The following GALNT13 variants were observed in gnomAD, a reference collection of about 807,000 sequenced individuals.
GALNT13 encodes polypeptide N-acetylgalactosaminyltransferase 13.
Under a neutral mutation model 64.2 loss-of-function variants are expected in GALNT13, and 28 were observed. That is an observed-to-expected ratio of 0.44 (90% CI 0.32 to 0.60). The LOEUF (loss-of-function observed/expected upper bound fraction) is 0.60. GALNT13 is among the 20% of genes least tolerant of loss of function. The probability of loss-of-function intolerance (pLI) is 0.05; values close to 1 mark genes in which losing one functional copy is unlikely to be tolerated. For missense variants in GALNT13, 577 were observed against 669.8 expected (o/e 0.86, Z 1.53); for synonymous variants, 214 against 224.6 (o/e 0.95, Z 0.42).
the GALNT13 span, chr2:153,354,353 C>T: frequency 2.0e-5 from 3 of 152,102 alleles, no homozygotes; most frequent in East Asian, 5.8e-4. Flanking sequence ...AATGCTGGAC[C>T]GTCTTACTAG....
At chr2:153,418,279 T>C in the GALNT13 span, among the ~76,000 whole-genome samples, 1 of 152,074 alleles carries the variant, frequency 6.6e-6, no homozygotes, top group Non-Finnish European at 1.5e-5. Context: ...AGGAAACAAA[T>C]TCCCCCCTAG....
the GALNT13 span, among the ~76,000 whole-genome samples, chr2:153,788,720 T>A: frequency 2.6e-5 from 4 of 151,948 alleles, no homozygotes; most frequent in East Asian, 7.8e-4. Flanking sequence ...TCACATGCAA[T>A]GACACCCAGG....
the GALNT13 span, among the ~76,000 whole-genome samples, chr2:153,665,914 G>T: frequency 1.3e-5 from 2 of 152,166 alleles, no homozygotes; most frequent in South Asian, 4.1e-4. Flanking sequence ...CGTGGCTGCA[G>T]TGAAGAATGG....
chr2:153,831,740 G>A, the GALNT13 span, among the ~76,000 whole-genome samples: 27 of 152,262 alleles, frequency 1.8e-4, no homozygotes, highest in East Asian at 4.5e-3. Context: ...GAGTCACCCA[G>A]TTGGCAGCTT....
At chr2:154,071,958 G>A (rs1420592002) in intron 3 of GALNT13, among the ~76,000 whole-genome samples, 1 of 152,068 alleles carries the variant, frequency 6.6e-6, no homozygotes, top group Non-Finnish European at 1.5e-5. Flanking sequence ...TGTTAGACAA[G>A]CTTTGTTTAG....
chr2:153,106,619 T>G, the GALNT13 span, among the ~76,000 whole-genome samples: 7 of 152,300 alleles, frequency 4.6e-5, no homozygotes, highest in South Asian at 1.2e-3. Context: ...CCAGAGATAT[T>G]GTTTTCTAGC....
At chr2:153,587,686 G>A in the GALNT13 span, among the ~76,000 whole-genome samples, 1 of 152,080 alleles carries the variant, frequency 6.6e-6, no homozygotes, top group Non-Finnish European at 1.5e-5. Context: ...ATTTGGGTAG[G>A]GACACAGCCA....
At chr2:153,505,244 C>T in the GALNT13 span, among the ~76,000 whole-genome samples, 1 of 151,990 alleles carries the variant, frequency 6.6e-6, no homozygotes. Flanking sequence ...TCTAATTGAG[C>T]TTATTTGGAT....
chr2:153,981,888 A>AT (rs142794825), intron 3 of GALNT13, among the ~76,000 whole-genome samples: 1 of 151,788 alleles, frequency 6.6e-6, no homozygotes, highest in East Asian at 1.9e-4. Context: ...CTTGCTAGTT[A>AT]TTTTTTTCTC....
chr2:153,714,079 C>T, the GALNT13 span, among the ~76,000 whole-genome samples: 1 of 152,334 alleles, frequency 6.6e-6, no homozygotes, highest in South Asian at 2.1e-4. Flanking sequence ...TGAAACATCA[C>T]ATCTCCATGC....
the GALNT13 span, among the ~76,000 whole-genome samples, chr2:153,229,580 A>C: frequency 1.3e-5 from 2 of 152,202 alleles, no homozygotes; most frequent in South Asian, 4.1e-4. Flanking sequence ...CACTTAATTT[A>C]ATCGCCTATT....
chr2:153,172,991 G>A, the GALNT13 span, among the ~76,000 whole-genome samples: 1 of 151,850 alleles, frequency 6.6e-6, no homozygotes, highest in Non-Finnish European at 1.5e-5. Flanking sequence ...TCTCCTCCAG[G>A]GAATGAGAAT....
chr2:153,091,758 G>A, the GALNT13 span, among the ~76,000 whole-genome samples: 1 of 152,142 alleles, frequency 6.6e-6, no homozygotes, highest in African/African-American at 2.4e-5. Flanking sequence ...TGTCAGATGG[G>A]TAGTTTGCAA....
chr2:154,131,709 A>G (rs556352512), intron 3 of GALNT13, among the ~76,000 whole-genome samples: 1 of 152,328 alleles, frequency 6.6e-6, no homozygotes, highest in East Asian at 1.9e-4. Flanking sequence ...CGTTAATAGG[A>G]TAGATGCATA....
chr2:154,020,829 T>G (rs1250132852), intron 3 of GALNT13, among the ~76,000 whole-genome samples: 1 of 152,148 alleles, frequency 6.6e-6, no homozygotes, highest in Non-Finnish European at 1.5e-5. Flanking sequence ...TTTTTATGGT[T>G]TTAAGTCTAA....
At chr2:153,879,315 C>G (rs1420114672) in intron 1 of GALNT13, among the ~76,000 whole-genome samples, 3 of 151,794 alleles carry the variant, frequency 2.0e-5, no homozygotes, top group Non-Finnish European at 4.4e-5. Context: ...AGTGGAAGGG[C>G]AAGGATGATG....
the GALNT13 span, among the ~76,000 whole-genome samples, chr2:153,368,288 C>G: frequency 6.6e-6 from 1 of 152,038 alleles, no homozygotes; most frequent in Non-Finnish European, 1.5e-5. Flanking sequence ...GATTAGTCTT[C>G]TTGTAAGAAG....
intron 2 of GALNT13, among the ~76,000 whole-genome samples, chr2:153,906,559 T>C (rs534921688): frequency 1.8e-4 from 27 of 152,196 alleles, no homozygotes; most frequent in African/African-American, 6.5e-4. Context: ...TCCATGTCCC[T>C]ACAAAGGACA....
chr2:154,211,181 G>A (rs1027432416), intron 4 of GALNT13, among the ~76,000 whole-genome samples: 1 of 152,036 alleles, frequency 6.6e-6, no homozygotes, highest in Admixed American at 6.6e-5. Flanking sequence ...ATCATAGAGT[G>A]TACTTACCAT....
Sources: gnomAD v4.1 joint callset for allele counts (sites outside exome capture counted in the v4.1 genomes callset) on GRCh38, gnomAD v4.1.1 for gene constraint, MANE v1.5 for transcripts, NCBI Gene and HGNC (gene_info 2026-07-23, HGNC 2026-07-21) for gene names.